PTPRD: variants seen among roughly 807,000 people sequenced by gnomAD.
PTPRD encodes the protein protein tyrosine phosphatase receptor type D, also known as receptor-type tyrosine-protein phosphatase delta.
Under a neutral mutation model 214.5 loss-of-function variants are expected in PTPRD, and 34 were observed. That is an observed-to-expected ratio of 0.16 (90% CI 0.12 to 0.21). The LOEUF (loss-of-function observed/expected upper bound fraction) is 0.21, where lower values mean the gene tolerates loss of function less well. Among genes scored for constraint, PTPRD ranks in the 10% least tolerant of loss-of-function variants. The probability of loss-of-function intolerance (pLI) is 1.00; values close to 1 mark genes in which losing one functional copy is unlikely to be tolerated. For synonymous variants in PTPRD, 1,128 were observed against 845.7 expected (o/e 1.33, Z -5.79); for missense variants, 2,545 against 2,398.7 (o/e 1.06, Z -1.27).
intron 10 of PTPRD, among the ~76,000 whole-genome samples, chr9:9,050,645 T>A (rs2099683163): frequency 6.6e-6 from 1 of 151,672 alleles, no homozygotes; most frequent in African/African-American, 2.4e-5. Context: ...CAGACAGTCT[T>A]GCTCCTTCCT....
chr9:10,477,771 AC>A (rs781381509), intron 2 of PTPRD, among the ~76,000 whole-genome samples: 14 of 152,206 alleles, frequency 9.2e-5, no homozygotes, highest in Non-Finnish European at 1.5e-4. Context: ...ATAATGTGAC[AC>A]ATATATACCA....
chr9:9,019,826 TA>T (rs1234216573), intron 10 of PTPRD, among the ~76,000 whole-genome samples: 4 of 152,200 alleles, frequency 2.6e-5, no homozygotes, highest in Non-Finnish European at 4.4e-5. Context: ...TAAGTAACTC[TA>T]AAAACTGGGC....
At chr9:8,355,531 T>C (rs987823502) in intron 39 of PTPRD, among the ~76,000 whole-genome samples, 2 of 152,202 alleles carry the variant, frequency 1.3e-5, no homozygotes, top group African/African-American at 4.8e-5. Flanking sequence ...AGGATGACAG[T>C]AGAGAGGACA....
At chr9:10,053,245 A>C (rs2097565562) in intron 3 of PTPRD, among the ~76,000 whole-genome samples, 1 of 152,174 alleles carries the variant, frequency 6.6e-6, no homozygotes, top group Admixed American at 6.6e-5. Context: ...AAGCATTGAA[A>C]GCTGTTTGAA....
At chr9:9,356,703 G>T (rs73641492) in intron 9 of PTPRD, among the ~76,000 whole-genome samples, 2 of 151,486 alleles carry the variant, frequency 1.3e-5, no homozygotes, top group African/African-American at 4.8e-5. Flanking sequence ...GAAGACCCAT[G>T]TTTGAGTTTC....
At chr9:8,467,555 T>G (rs2096568162) in intron 31 of PTPRD, among the ~76,000 whole-genome samples, 2 of 151,908 alleles carry the variant, frequency 1.3e-5, no homozygotes, top group South Asian at 2.1e-4. Flanking sequence ...AATATATAAT[T>G]AGACTCAATT....
intron 5 of PTPRD, among the ~76,000 whole-genome samples, chr9:9,932,793 A>C (rs1233838331): frequency 1.7e-5 from 2 of 121,158 alleles, no homozygotes; most frequent in Admixed American, 8.3e-5. Flanking sequence ...ACCAAAGTTG[A>C]AATGAAGGAA....
chr9:9,704,873 G>A (rs1158588677), intron 7 of PTPRD, among the ~76,000 whole-genome samples: 1 of 152,156 alleles, frequency 6.6e-6, no homozygotes, highest in African/African-American at 2.4e-5. Context: ...AGAGATATCT[G>A]TTGATGCCAC....
intron 11 of PTPRD, among the ~76,000 whole-genome samples, chr9:8,835,227 A>G (rs1022965886): frequency 6.6e-6 from 1 of 152,240 alleles, no homozygotes; most frequent in African/African-American, 2.4e-5. Flanking sequence ...AGTCAAGATG[A>G]GACCAAAGAT....
intron 39 of PTPRD, among the ~76,000 whole-genome samples, chr9:8,374,065 GTC>G (rs1293251676): frequency 6.6e-6 from 1 of 150,684 alleles, no homozygotes; most frequent in Non-Finnish European, 1.5e-5. Context: ...CAAATTATGT[GTC>G]TCTAATTTTT....
At chr9:9,292,362 T>C (rs1951452545) in intron 9 of PTPRD, among the ~76,000 whole-genome samples, 1 of 151,394 alleles carries the variant, frequency 6.6e-6, no homozygotes, top group Non-Finnish European at 1.5e-5. Context: ...GTAGGAAGAT[T>C]TCCCATTTAC....
intron 11 of PTPRD, among the ~76,000 whole-genome samples, chr9:8,792,513 T>C (rs2096269805): frequency 6.6e-6 from 1 of 152,140 alleles, no homozygotes; most frequent in Admixed American, 6.5e-5. Flanking sequence ...AGGAAGACAA[T>C]GAGGAAATAT....
chr9:10,259,101 C>T (rs2093507015), intron 3 of PTPRD, among the ~76,000 whole-genome samples: 1 of 152,152 alleles, frequency 6.6e-6, no homozygotes, highest in Non-Finnish European at 1.5e-5. Context: ...CAGCTCACTG[C>T]AAGCTCCACC....
At chr9:10,370,100 G>C (rs763870508) in intron 2 of PTPRD, among the ~76,000 whole-genome samples, 1 of 152,048 alleles carries the variant, frequency 6.6e-6, no homozygotes, top group Non-Finnish European at 1.5e-5. Context: ...GCTCACAATG[G>C]AACAAAGACT....
At chr9:8,609,987 C>T (rs1257063401) in intron 14 of PTPRD, among the ~76,000 whole-genome samples, 2 of 152,150 alleles carry the variant, frequency 1.3e-5, no homozygotes, top group Non-Finnish European at 2.9e-5. Flanking sequence ...CTCACTGTAG[C>T]TCAGGCTCCC....
chr9:9,390,778 C>T (rs114121246), intron 9 of PTPRD, among the ~76,000 whole-genome samples: 1,826 of 152,242 alleles, frequency 0.012, 40 homozygotes, highest in African/African-American at 0.041. Flanking sequence ...CAAGCAGTTG[C>T]TGTGTGACTT....
At chr9:10,282,978 T>G (rs1006376483) in intron 3 of PTPRD, among the ~76,000 whole-genome samples, 1 of 152,144 alleles carries the variant, frequency 6.6e-6, no homozygotes, top group Non-Finnish European at 1.5e-5. Flanking sequence ...ATCAAATTCA[T>G]TTTTTCATTA....
intron 12 of PTPRD, among the ~76,000 whole-genome samples, chr9:8,696,724 T>C (rs1403598745): frequency 6.6e-6 from 1 of 152,230 alleles, no homozygotes. Flanking sequence ...ATGCAGAAGC[T>C]AGGTCAACCA....
At chr9:9,948,255 C>A (rs1343715356) in intron 4 of PTPRD, among the ~76,000 whole-genome samples, 1 of 152,024 alleles carries the variant, frequency 6.6e-6, no homozygotes, top group Admixed American at 6.6e-5. Flanking sequence ...AACTGCACTG[C>A]CATTCTCTAT....
Sources: allele counts gnomAD v4.1 joint callset (sites outside exome capture counted in the v4.1 genomes callset), GRCh38; gene constraint gnomAD v4.1.1; transcripts MANE v1.5; gene names NCBI Gene and HGNC (gene_info 2026-07-23, HGNC 2026-07-21).